PDE4DIP: variants seen among roughly 807,000 people sequenced by gnomAD.
PDE4DIP encodes myomegalin.
Under a neutral mutation model 221.4 loss-of-function variants are expected in PDE4DIP, and 59 were observed. That is an observed-to-expected ratio of 0.27 (90% CI 0.22 to 0.33). The LOEUF (loss-of-function observed/expected upper bound fraction) is 0.33, where lower values mean the gene tolerates loss of function less well. PDE4DIP is among the 10% of genes least tolerant of loss of function. The pLI is 1.00. For missense variants in PDE4DIP, 1,036 were observed against 2,154.2 expected, an observed-to-expected ratio of 0.48 and a Z score of 10.28; for synonymous variants, 404 against 815.9, an observed-to-expected ratio of 0.50 and a Z score of 8.60.
intron 13 of PDE4DIP, among the ~76,000 whole-genome samples, chr1:148,968,224 A>G (rs1452163011): frequency 3.9e-5 from 6 of 152,116 alleles, no homozygotes; most frequent in Admixed American, 2.6e-4. Flanking sequence ...ATATTAACTC[A>G]TTGGATCCTC....
intron 1 of PDE4DIP, among the ~76,000 whole-genome samples, chr1:148,813,156 G>A (rs1778753): frequency 3.5e-4 from 23 of 66,410 alleles, no homozygotes; most frequent in African/African-American, 7.4e-4. Context: ...CTGCCAAATC[G>A]TTTTCCAAAA....
chr1:148,923,504 T>C lies in PDE4DIP; in HGVS notation c.142-5693T>C, dbSNP rs587759796. 3.6e-4 allele frequency among the ~76,000 whole-genome samples: 52 copies of C among 145,424 alleles called. No homozygotes were observed. The East Asian group carries it at 7.2e-3, about 20-fold the overall frequency. ...TGTTGTTGTTTTTGAGACGGAGTCT[T>C]ACTCTGTCGCCCAGGCTGGAGTGCA... On this transcript the variant is annotated intron_variant, in intron 1 of 43. Coordinates refer to ENST00000369354, the Ensembl canonical transcript of PDE4DIP.
upstream of PDE4DIP, among the ~76,000 whole-genome samples, chr1:148,884,789 T>C (rs1364813612): frequency 3.9e-5 from 6 of 152,138 alleles, no homozygotes; most frequent in Non-Finnish European, 8.8e-5. Flanking sequence ...TTGTCCTTTA[T>C]AATTTGTCAT....
chr1:148,955,703 T>C (rs1349061431), intron 5 of PDE4DIP, among the ~76,000 whole-genome samples: 1 of 152,052 alleles, frequency 6.6e-6, no homozygotes, highest in African/African-American at 2.4e-5. Context: ...TTAGAGATTA[T>C]GTGAAAAAAA....
At position 149,031,993 on chromosome 1, in the gene PDE4DIP, C is replaced by T. The variant is rs183737546; in HGVS notation, c.*8C>T. 1 of 1,609,900 alleles carries T rather than the reference C, an allele frequency of 6.2e-7. No individual in the cohort carries two copies. Among genetic ancestry groups the T allele is most frequent in the East Asian group, 2.2e-5 (1 of 44,832 alleles). On this transcript the variant is annotated 3_prime_UTR_variant, in exon 44 of 44. Transcript: ENST00000369354. ...TGTACTCCAGCCTTGTGACCCTTGC[C>T]TTCCAGGAACCATGCAAGAAGCGCA...
At chr1:149,010,040 G>C (rs1366332147) in intron 30 of PDE4DIP, among the ~76,000 whole-genome samples, 4 of 152,194 alleles carry the variant, frequency 2.6e-5, no homozygotes, top group Non-Finnish European at 5.9e-5. Flanking sequence ...GGGAGAGTGA[G>C]AAGATCACGG....
At chr1:148,935,225 A>G (rs1356348108) in intron 4 of PDE4DIP, among the ~76,000 whole-genome samples, 2 of 151,674 alleles carry the variant, frequency 1.3e-5, no homozygotes, top group African/African-American at 4.8e-5. Context: ...AAAAAAAAAG[A>G]ATCACAACTG....
intron 4 of PDE4DIP, among the ~76,000 whole-genome samples, chr1:148,935,030 A>G (rs1230781785): frequency 6.6e-6 from 1 of 152,098 alleles, no homozygotes; most frequent in Non-Finnish European, 1.5e-5. Context: ...CCTGGCCAAC[A>G]TGGTGAAACC....
chr1:148,987,029 G>C (rs2062030128), intron 21 of PDE4DIP, among the ~76,000 whole-genome samples: 1 of 152,122 alleles, frequency 6.6e-6, no homozygotes. Flanking sequence ...TGGAGAAGTA[G>C]AAACTCTTTC....
rs1489051980 is a variant in PDE4DIP at position 148,828,634 on chromosome 1, C to A, written c.233+19897C>A. ...TATGTTCAAATCAAGGAGAATTATTCATGTAATTCACACAAGTCTTCCCTC... is the reference window on the plus strand; with the variant it reads ...TATGTTCAAATCAAGGAGAATTATTAATGTAATTCACACAAGTCTTCCCTC... On this transcript the variant is annotated intron_variant, in intron 1 of 45. Coordinates refer to the PDE4DIP transcript ENST00000524974. Among the ~76,000 whole-genome samples, 4 of 151,502 alleles carry A rather than the reference C, an allele frequency of 2.6e-5. No homozygotes were observed. The East Asian group carries it at 7.7e-4, about 29-fold the overall frequency.
chr1:148,983,421 G>A (rs1412418285), intron 21 of PDE4DIP: 1 of 152,098 alleles, frequency 6.6e-6, no homozygotes, highest in Non-Finnish European at 1.5e-5. Context: ...TTGATAGCAG[G>A]ATAAATTAAA....
intron 4 of PDE4DIP, among the ~76,000 whole-genome samples, chr1:148,934,592 AT>A (rs1190350089): frequency 6.6e-6 from 1 of 151,998 alleles, no homozygotes; most frequent in African/African-American, 2.4e-5. Context: ...AATGTTTTTA[AT>A]TTTTTGTTTC....
intron 21 of PDE4DIP, chr1:148,983,938 G>A (rs1331070254): frequency 6.6e-6 from 1 of 152,054 alleles, no homozygotes; most frequent in Non-Finnish European, 1.5e-5. Flanking sequence ...AAATAATGCA[G>A]AGTAATGGTT....
At chr1:148,893,077 G>GTGTC (rs1297668130) in intron 1 of PDE4DIP, among the ~76,000 whole-genome samples, 1 of 70,956 alleles carries the variant, frequency 1.4e-5, no homozygotes, top group African/African-American at 4.0e-5. Flanking sequence ...GTGTGTGTGT[G>GTGTC]TGTGTGTGTG....
At chr1:148,983,417 G>A (rs1465786604) in intron 21 of PDE4DIP, 5 of 152,142 alleles carry the variant, frequency 3.3e-5, no homozygotes, top group Admixed American at 6.6e-5. Context: ...TAAATTGATA[G>A]CAGGATAAAT....
chr1:148,989,916 T>C lies in PDE4DIP; in HGVS notation c.2816-1969T>C, dbSNP rs1485262625. Among the ~76,000 whole-genome samples, 3 of 152,312 alleles carry C rather than the reference T, an allele frequency of 2.0e-5. No individual in the cohort carries two copies. In the East Asian group the frequency reaches 5.8e-4, roughly 29 times the overall value. On this transcript the variant is annotated intron_variant, in intron 21 of 43. Coordinates refer to ENST00000369354, the Ensembl canonical transcript of PDE4DIP. Reference sequence around the variant, plus strand: ...ATGTGTCCATACACCTCTACTCAGCTAGTATCCTGAGTGAGATGGTTTCTG... The same window carrying C: ...ATGTGTCCATACACCTCTACTCAGCCAGTATCCTGAGTGAGATGGTTTCTG...
At chr1:148,915,253 TC>T (rs1490144576) in intron 1 of PDE4DIP, among the ~76,000 whole-genome samples, 1 of 152,130 alleles carries the variant, frequency 6.6e-6, no homozygotes, top group Non-Finnish European at 1.5e-5. Flanking sequence ...GTTCAAGCGA[TC>T]CTCCTGCCTC....
intron 21 of PDE4DIP, among the ~76,000 whole-genome samples, chr1:148,987,552 A>G (rs1397981394): frequency 2.0e-5 from 3 of 152,184 alleles, no homozygotes; most frequent in Non-Finnish European, 2.9e-5. Flanking sequence ...AGGAAAGAAC[A>G]CTTGGCACTG....
intron 36 of PDE4DIP, chr1:149,020,591 T>C: frequency 3.3e-6 from 1 of 307,452 alleles, no homozygotes; most frequent in South Asian, 4.0e-5. Flanking sequence ...AAGTCTTCAG[T>C]ATATCAGAGA....
Sources: gnomAD v4.1 joint callset for allele counts (sites outside exome capture counted in the v4.1 genomes callset) on GRCh38, gnomAD v4.1.1 for gene constraint, MANE v1.5 for transcripts, NCBI Gene and HGNC (gene_info 2026-07-23, HGNC 2026-07-21) for gene names.